The following LRMDA variants were observed in gnomAD, a reference collection of about 807,000 sequenced individuals.
LRMDA encodes the protein leucine-rich melanocyte differentiation-associated protein.
LRMDA carries 18 observed loss-of-function variants against 29.8 expected under a neutral mutation model. That is an observed-to-expected ratio of 0.60 (90% CI 0.42 to 0.90). LRMDA has a LOEUF of 0.90. Ranked by LOEUF, LRMDA falls within the 40% of genes least tolerant of loss-of-function variation. The pLI, the probability that LRMDA is intolerant of heterozygous loss-of-function variation, is 0.00. For synonymous variants in LRMDA, 125 were observed against 109.4 expected (o/e 1.14, Z -0.89); for missense variants, 273 against 273.9 (o/e 1.00, Z 0.02).
chr10:76,319,447 C>G (rs780571172), intron 5 of LRMDA, among the ~76,000 whole-genome samples: 4 of 152,136 alleles, frequency 2.6e-5, no homozygotes, highest in African/African-American at 4.8e-5. Flanking sequence ...GGACAACATT[C>G]TGTAATGATC....
intron 5 of LRMDA, among the ~76,000 whole-genome samples, chr10:76,090,322 G>C (rs960826350): frequency 6.6e-6 from 1 of 152,168 alleles, no homozygotes; most frequent in Non-Finnish European, 1.5e-5. Flanking sequence ...GTTTGGGTTG[G>C]GGATGTGTGG....
In LRMDA at chr10:75,703,359, C is replaced by G. The variant is rs562854549; in HGVS notation, c.131+264865C>G. Among the ~76,000 whole-genome samples the G allele has an allele frequency of 7.2e-5, 11 of 152,278 alleles. No individual in the cohort carries two copies. In the East Asian group the frequency reaches 1.5e-3, roughly 21 times the overall value. On this transcript the variant is annotated intron_variant, in intron 2 of 6. Transcript: ENST00000611255. ...AAACCAGGGATAACTGCAGATCTGC[C>G]GATCTGAGAGAGTTCCGTTTTCTCT...
At chr10:76,028,257 A>G (rs1351126477) in intron 2 of LRMDA, among the ~76,000 whole-genome samples, 1 of 152,134 alleles carries the variant, frequency 6.6e-6, no homozygotes, top group Non-Finnish European at 1.5e-5. Context: ...ATTATTGACA[A>G]ATTTCCTTGT....
intron 5 of LRMDA, among the ~76,000 whole-genome samples, chr10:76,097,422 C>T (rs975320804): frequency 6.6e-6 from 1 of 152,182 alleles, no homozygotes. Flanking sequence ...CTTAGAATCA[C>T]AGTAACTTAG....
In LRMDA at chr10:75,515,067, G is replaced by A. The variant is rs552078565; in HGVS notation, c.131+76573G>A. On this transcript the variant is annotated intron_variant, in intron 2 of 6. Coordinates refer to ENST00000611255, the MANE Select transcript of LRMDA (RefSeq NM_001305581.2). ...CAGCCATAGAAAAGAATCAAGTGTT[G>A]ATACATGCTACAGTGTGGATGAACC... 1.0e-3 allele frequency among the ~76,000 whole-genome samples: 154 copies of A among 152,244 alleles called. 1 individual carries two copies. Among genetic ancestry groups the A allele is most frequent in the Middle Eastern group, 6.8e-3 (2 of 294 alleles).
intron 2 of LRMDA, among the ~76,000 whole-genome samples, chr10:75,839,832 C>T (rs1396833608): frequency 6.6e-6 from 1 of 151,752 alleles, no homozygotes; most frequent in African/African-American, 2.4e-5. Context: ...CCTCAGCCTC[C>T]CGAGTAGCTG....
At chr10:75,870,381 CAT>C (rs1491063869) in intron 2 of LRMDA, among the ~76,000 whole-genome samples, 2 of 151,944 alleles carry the variant, frequency 1.3e-5, no homozygotes, top group Admixed American at 1.3e-4. Flanking sequence ...CATTTAGAAA[CAT>C]GTGTTATGTA....
chr10:76,262,480 G>C (rs984035742), intron 5 of LRMDA, among the ~76,000 whole-genome samples: 1 of 152,220 alleles, frequency 6.6e-6, no homozygotes, highest in Non-Finnish European at 1.5e-5. Context: ...GGCACCGTGT[G>C]AAGTTTATGA....
At chr10:75,740,484 A>T (rs985387854) in intron 2 of LRMDA, among the ~76,000 whole-genome samples, 1 of 152,168 alleles carries the variant, frequency 6.6e-6, no homozygotes, top group African/African-American at 2.4e-5. Context: ...AAGTGGATGT[A>T]GATAATGCTT....
chr10:76,008,036 T>C (rs1847703895), intron 2 of LRMDA, among the ~76,000 whole-genome samples: 1 of 151,902 alleles, frequency 6.6e-6, no homozygotes, highest in African/African-American at 2.4e-5. Flanking sequence ...TTTAAGCAAG[T>C]GGCAGGCATT....
At chr10:75,432,393 C>T (rs577881415) in intron 1 of LRMDA, among the ~76,000 whole-genome samples, 32 of 152,330 alleles carry the variant, frequency 2.1e-4, no homozygotes, top group Middle Eastern at 3.4e-3. Context: ...TGATGAATGG[C>T]AACACGCCAG....
intron 2 of LRMDA, among the ~76,000 whole-genome samples, chr10:75,825,233 TCTC>T (rs1844228964): frequency 9.3e-6 from 1 of 107,500 alleles, no homozygotes; most frequent in Non-Finnish European, 2.1e-5. Context: ...CCCACTTTCT[TCTC>T]CCAAAATAAA....
intron 6 of LRMDA, among the ~76,000 whole-genome samples, chr10:76,451,557 C>G (rs544173623): frequency 3.3e-5 from 5 of 151,590 alleles, no homozygotes; most frequent in African/African-American, 1.2e-4. Context: ...TTTGAGCAAG[C>G]TAGGGAGCCA....
At chr10:75,583,635 CTA>C in intron 2 of LRMDA, among the ~76,000 whole-genome samples, 1 of 152,152 alleles carries the variant, frequency 6.6e-6, no homozygotes, top group East Asian at 1.9e-4. Flanking sequence ...TATCCAAACT[CTA>C]TCAACCTCTA....
intron 2 of LRMDA, among the ~76,000 whole-genome samples, chr10:75,651,292 A>C (rs1030899309): frequency 2.0e-5 from 3 of 152,190 alleles, no homozygotes; most frequent in African/African-American, 7.2e-5. Context: ...GCTCAAGAAG[A>C]AAGCTGCTTC....
intron 6 of LRMDA, among the ~76,000 whole-genome samples, chr10:76,351,737 G>A (rs1458356757): frequency 6.6e-6 from 1 of 151,120 alleles, no homozygotes; most frequent in African/African-American, 2.4e-5. Flanking sequence ...TGTGAGATAG[G>A]TCTTATCAGC....
At chr10:76,346,608 C>T (rs1353996568) in intron 6 of LRMDA, 1 of 152,142 alleles carries the variant, frequency 6.6e-6, no homozygotes, top group Non-Finnish European at 1.5e-5. Context: ...AGGAAGACAT[C>T]AGCATTAAAA....
intron 5 of LRMDA, among the ~76,000 whole-genome samples, chr10:76,221,914 A>T (rs1851848244): frequency 6.6e-6 from 1 of 152,068 alleles, no homozygotes; most frequent in African/African-American, 2.4e-5. Flanking sequence ...CTGGTACCAA[A>T]ACAGAGATAT....
intron 5 of LRMDA, among the ~76,000 whole-genome samples, chr10:76,184,472 G>GA (rs1851110837): frequency 6.6e-6 from 1 of 152,196 alleles, no homozygotes; most frequent in Non-Finnish European, 1.5e-5. Context: ...AAATGTGTCC[G>GA]ACACAGCAGT....
Sources: allele counts gnomAD v4.1 joint callset (sites outside exome capture counted in the v4.1 genomes callset), GRCh38; gene constraint gnomAD v4.1.1; transcripts MANE v1.5; gene names NCBI Gene and HGNC (gene_info 2026-07-23, HGNC 2026-07-21).